Variants in ATP8A2 observed in about 807,000 individuals in gnomAD.
ATP8A2 encodes phospholipid-transporting ATPase IB.
In ATP8A2, 100 loss-of-function variants were observed where a neutral mutation model predicts 165.6. The observed-to-expected ratio is 0.60, with a 90% confidence interval of 0.51 to 0.71. The LOEUF (loss-of-function observed/expected upper bound fraction) is 0.71, where lower values mean the gene tolerates loss of function less well. Ranked by LOEUF, ATP8A2 falls within the 30% of genes least tolerant of loss-of-function variation. The pLI is 0.00. For missense variants in ATP8A2, 1,227 were observed against 1,479.5 expected, an observed-to-expected ratio of 0.83 and a Z score of 2.80; for synonymous variants, 543 against 548.8, an observed-to-expected ratio of 0.99 and a Z score of 0.15.
intron 35 of ATP8A2, among the ~76,000 whole-genome samples, chr13:25,987,166 T>G (rs577586780): frequency 6.6e-6 from 1 of 152,348 alleles, no homozygotes; most frequent in African/African-American, 2.4e-5. Flanking sequence ...GCGCCCTGTA[T>G]GTTGTTATAT....
chr13:25,758,316 G>A (rs1337825176), intron 25 of ATP8A2, among the ~76,000 whole-genome samples: 3 of 152,108 alleles, frequency 2.0e-5, no homozygotes, highest in Admixed American at 6.5e-5. Flanking sequence ...AAAAACATGG[G>A]CAATTAAGCA....
At position 25,376,270 on chromosome 13, in the gene ATP8A2, C is replaced by A. The variant is rs1473978978; in HGVS notation, c.76+3982C>A. The stretch of plus-strand genomic sequence containing the variant: ...ACGCTCATTGATTCTATATGGTTTT[C>A]TCTTCCTTGATAAGAAATAAAGATA... On this transcript the variant is annotated intron_variant, in intron 1 of 36. Transcript: ENST00000381655. Among the ~76,000 whole-genome samples, 4 of 152,220 alleles carry A rather than the reference C, an allele frequency of 2.6e-5. No individual in the cohort carries two copies. In the East Asian group the frequency reaches 7.7e-4, roughly 29 times the overall value.
chr13:25,430,337 C>G (rs1437648126), intron 1 of ATP8A2, among the ~76,000 whole-genome samples: 1 of 152,144 alleles, frequency 6.6e-6, no homozygotes, highest in African/African-American at 2.4e-5. Context: ...AAGGAAACAA[C>G]CACAGTGTGA....
chr13:25,926,081 G>C (rs1464111312), intron 33 of ATP8A2, among the ~76,000 whole-genome samples: 4 of 152,150 alleles, frequency 2.6e-5, no homozygotes, highest in Non-Finnish European at 5.9e-5. Context: ...ATGTGGATCT[G>C]AGTGTATTTT....
At chr13:25,705,368 G>T (rs527400852) in intron 25 of ATP8A2, 2 of 173,570 alleles carry the variant, frequency 1.2e-5, no homozygotes, top group South Asian at 2.3e-4. Flanking sequence ...CATGGGGGCC[G>T]CTGGGCACTG....
rs192415228 is a variant in ATP8A2, at chr13:25,885,890, C to A, written c.3183+23482C>A. Among the ~76,000 whole-genome samples, 10 of 152,192 alleles carry A rather than the reference C, an allele frequency of 6.6e-5. No individual in the cohort carries two copies. The East Asian group carries it at 1.9e-3, about 29-fold the overall frequency. ...TAATCCACTATTAACCGTTAATAAC[C>A]AGGATCCCTAGTGAAGGAAGGGATT... On this transcript the variant is annotated intron_variant, in intron 33 of 36. Coordinates refer to ENST00000381655, the MANE Select transcript of ATP8A2 (RefSeq NM_016529.6).
chr13:25,929,522 C>T (rs531731759), intron 33 of ATP8A2, among the ~76,000 whole-genome samples: 1 of 152,262 alleles, frequency 6.6e-6, no homozygotes, highest in South Asian at 2.1e-4. Flanking sequence ...CAACCTGATA[C>T]TCCCCTCCAT....
At chr13:25,902,941 A>G (rs984392600) in intron 33 of ATP8A2, among the ~76,000 whole-genome samples, 5 of 123,384 alleles carry the variant, frequency 4.1e-5, no homozygotes, top group African/African-American at 1.4e-4. Flanking sequence ...CTCAGCATGC[A>G]CACACACACA....
intron 25 of ATP8A2, among the ~76,000 whole-genome samples, chr13:25,735,671 C>T (rs1227575870): frequency 2.0e-5 from 3 of 152,128 alleles, no homozygotes; most frequent in African/African-American, 7.2e-5. Flanking sequence ...TATAGTCGTG[C>T]ACCATATGAT....
intron 33 of ATP8A2, among the ~76,000 whole-genome samples, chr13:25,879,661 C>T (rs1952920549): frequency 6.6e-6 from 1 of 152,206 alleles, no homozygotes; most frequent in Non-Finnish European, 1.5e-5. Context: ...ATGGACAAGC[C>T]CAGGTCTCCC....
At chr13:25,924,996 A>G (rs976129066) in intron 33 of ATP8A2, among the ~76,000 whole-genome samples, 5 of 152,164 alleles carry the variant, frequency 3.3e-5, no homozygotes, top group Admixed American at 6.5e-5. Flanking sequence ...TTTTCTTTAT[A>G]GATTAACCAG....
chr13:25,497,957 G>A lies in ATP8A2; in HGVS notation c.221+28836G>A, dbSNP rs146117241. On this transcript the variant is annotated intron_variant, in intron 2 of 36. Coordinates refer to ENST00000381655, the MANE Select transcript of ATP8A2 (RefSeq NM_016529.6). ...AGCCTGGGCAACCGAGAGAGATTCC[G>A]TCTCAAATAATAATAATAATAATAA... Among the ~76,000 whole-genome samples the A allele has an allele frequency of 7.3e-4, 111 of 151,860 alleles. 1 individual carries two copies. Among genetic ancestry groups the A allele is most frequent in the African/African-American group, 2.5e-3 (104 of 41,378 alleles).
intron 35 of ATP8A2, among the ~76,000 whole-genome samples, chr13:25,988,256 G>A (rs997702981): frequency 2.6e-5 from 4 of 152,190 alleles, no homozygotes; most frequent in African/African-American, 9.7e-5. Context: ...TGGCTCAGAT[G>A]GCATCTTCGC....
Position 25,905,331 on chromosome 13 carries a change from C to T in ATP8A2, c.3183+42923C>T, listed in dbSNP as rs564304913. On this transcript the variant is annotated intron_variant, in intron 33 of 36. Transcript: ENST00000381655. ...AACGATAAGTTTTTCTCTTCCTCTCCGAATTTAGTTTCCTATTATCCTGAT... is the reference window on the plus strand; with the variant it reads ...AACGATAAGTTTTTCTCTTCCTCTCTGAATTTAGTTTCCTATTATCCTGAT... Among the ~76,000 whole-genome samples the T allele has an allele frequency of 7.9e-5, 12 of 152,214 alleles. No individual in the cohort carries two copies. In the South Asian group the frequency reaches 1.5e-3, roughly 18 times the overall value.
intron 27 of ATP8A2, among the ~76,000 whole-genome samples, chr13:25,813,636 G>A (rs1462300332): frequency 6.7e-6 from 1 of 150,234 alleles, no homozygotes; most frequent in Non-Finnish European, 1.5e-5. Flanking sequence ...GAGGTGGGGA[G>A]ATCATAGAAG....
chr13:25,651,221 G>A (rs993163975), intron 24 of ATP8A2, among the ~76,000 whole-genome samples: 5 of 152,090 alleles, frequency 3.3e-5, no homozygotes, highest in African/African-American at 1.2e-4. Context: ...AAGATGGGTG[G>A]ATCATGAGGT....
At chr13:25,567,505 C>T (rs1456856275) in intron 16 of ATP8A2, 1 of 410,316 alleles carries the variant, frequency 2.4e-6, no homozygotes, top group Admixed American at 2.7e-5. Context: ...GGGACAGGTG[C>T]AACCCCTGTG....
Position 25,577,082 on chromosome 13 carries a change from A to G in ATP8A2, c.1726A>G (p.Met576Val). The change falls in exon 20 of 37, where the codon ATG (methionine) becomes GTG (valine). Residue 576 changes from methionine (M) to valine (V), a missense_variant. Transcript: ENST00000381655. The part of the protein sequence containing the change: ...VLEFSSDRKR[M>V]SVIVRTPSGR... Reference sequence around the variant, plus strand: ...TCACTCTCCCAGTGACAGAAAAAGAATGTCTGTAATTGTTCGAACTCCTTC... The same window carrying G: ...TCACTCTCCCAGTGACAGAAAAAGAGTGTCTGTAATTGTTCGAACTCCTTC... 1 of 1,613,820 alleles carries G rather than the reference A, an allele frequency of 6.2e-7. No homozygotes were observed. The highest frequency in any genetic ancestry group is 2.2e-5 in the East Asian group (1 of 44,872).
intron 24 of ATP8A2, among the ~76,000 whole-genome samples, chr13:25,627,049 C>T (rs1190912448): frequency 6.6e-6 from 1 of 152,116 alleles, no homozygotes; most frequent in South Asian, 2.1e-4. Context: ...AAGATGAGAG[C>T]TCGGTGGGAA....
Sources: allele counts gnomAD v4.1 joint callset (sites outside exome capture counted in the v4.1 genomes callset), GRCh38; gene constraint gnomAD v4.1.1; transcripts MANE v1.5; gene names NCBI Gene and HGNC (gene_info 2026-07-23, HGNC 2026-07-21).